Variants in ZNF529 observed in about 807,000 individuals in gnomAD.
ZNF529 encodes the protein zinc finger protein 529.
A neutral mutation model predicts 10.1 loss-of-function variants in ZNF529; 11 were observed. The ratio of observed to expected loss-of-function variants is 1.09; its 90% CI spans 0.69 to 1.81. The LOEUF (loss-of-function observed/expected upper bound fraction) is 1.81, where lower values mean the gene tolerates loss of function less well. ZNF529 is among the 40% of genes most tolerant of loss of function. The pLI, the probability that ZNF529 is intolerant of heterozygous loss-of-function variation, is 0.00. For synonymous variants in ZNF529, 204 were observed against 215.7 expected (o/e 0.95, Z 0.47); for missense variants, 624 against 666.8 (o/e 0.94, Z 0.71).
chr19:36,573,475 C>G (rs1368204364), upstream of ZNF529: 3 of 471,028 alleles, frequency 6.4e-6, no homozygotes, highest in South Asian at 3.1e-5. Flanking sequence ...GAGGCTGCCG[C>G]TGCGCGTCCC....
intron 2 of ZNF529, among the ~76,000 whole-genome samples, chr19:36,584,199 T>G (rs1449362552): frequency 2.0e-5 from 3 of 152,184 alleles, no homozygotes; most frequent in African/African-American, 7.2e-5. Context: ...GACAGGAGAA[T>G]AATACCTTCA....
At chr19:36,569,555 A>AG (rs2036020662) in intron 2 of ZNF529, among the ~76,000 whole-genome samples, 1 of 152,120 alleles carries the variant, frequency 6.6e-6, no homozygotes, top group African/African-American at 2.4e-5. Flanking sequence ...ACACGAGGCC[A>AG]GGATTTCCAG....
Position 36,547,853 on chromosome 19 carries a change from T to C in ZNF529, c.705A>G (p.Thr235=), listed in dbSNP as rs1289147936. ...CATTAAAGTCTTTATAAAAACTACA[T>C]GTATTCCCATATTCCATATATTTAC... The part of the protein sequence containing the change: ...KPCKYMEYGN[T]CSFYKDFNVY... Residue 235 remains threonine, a synonymous_variant, in exon 5 of 5, where the codon ACA becomes ACG. Coordinates refer to ENST00000591340, the MANE Select transcript of ZNF529 (RefSeq NM_020951.5). The C allele has an allele frequency of 6.2e-7, 1 of 1,610,946 alleles. No individual in the cohort carries two copies. Among genetic ancestry groups the C allele is most frequent in the East Asian group, 2.2e-5 (1 of 44,844 alleles).
chr19:36,552,371 A>G (rs2912400), intron 4 of ZNF529, among the ~76,000 whole-genome samples: 132,660 of 152,150 alleles, frequency 0.87, 58,638 homozygotes, highest in African/African-American at 0.93. Context: ...AGGTTGCAGC[A>G]AGCTGAAATT....
intron 1 of ZNF529, among the ~76,000 whole-genome samples, chr19:36,601,339 C>T (rs533747133): frequency 5.1e-4 from 77 of 152,070 alleles, no homozygotes; most frequent in African/African-American, 1.7e-3. Context: ...CTCCTGACCT[C>T]GTGATCCGCC....
upstream of ZNF529, among the ~76,000 whole-genome samples, chr19:36,574,129 A>G (rs1600324026): frequency 6.6e-6 from 1 of 152,122 alleles, no homozygotes. Flanking sequence ...GATCTTGAGA[A>G]CCTGTGCCCA....
At chr19:36,556,341 C>A in intron 2 of ZNF529, 144 bp from the exon 3 acceptor site, 2 of 609,656 alleles carry the variant, frequency 3.3e-6, no homozygotes, top group East Asian at 5.6e-5. Flanking sequence ...CTCCGTGAAC[C>A]AAACCTGAGC....
chr19:36,547,984 T>C lies in ZNF529; in HGVS notation c.574A>G (p.Ile192Val), dbSNP rs377674695. 6.8e-6 allele frequency: 11 copies of C among 1,613,266 alleles called. No individual in the cohort carries two copies. Among genetic ancestry groups the C allele is most frequent in the Non-Finnish European group, 9.3e-6 (11 of 1,179,768 alleles). ...TCATAGTTTTTTCCACCAGTATGTA[T>C]TTTCTGATATTCATCAAACTCTAAG... ...CDLEFDEYQK[I>V]HTGGKNYECN... Residue 192 changes from isoleucine to valine, a missense_variant, in exon 5 of 5, where the codon ATA becomes GTA. Physicochemically the swap from Ile to Val is conservative, Grantham distance 29. Coordinates refer to ENST00000591340, the MANE Select transcript of ZNF529 (RefSeq NM_020951.5).
At chr19:36,568,709 T>C (rs959402742) in intron 2 of ZNF529, among the ~76,000 whole-genome samples, 5 of 152,218 alleles carry the variant, frequency 3.3e-5, no homozygotes, top group Middle Eastern at 6.8e-3. Flanking sequence ...TAACCTCAAG[T>C]GATCTGCCTG....
chr19:36,603,894 T>G (rs1188492319), intron 1 of ZNF529, among the ~76,000 whole-genome samples: 1 of 152,200 alleles, frequency 6.6e-6, no homozygotes, highest in Non-Finnish European at 1.5e-5. Context: ...AAAAGGGATC[T>G]TTTGGCTAGG....
At chr19:36,549,293 C>A (rs992738440) in intron 4 of ZNF529, among the ~76,000 whole-genome samples, 1 of 152,044 alleles carries the variant, frequency 6.6e-6, no homozygotes, top group Non-Finnish European at 1.5e-5. Context: ...CCATTTACTT[C>A]CTTATTCCTT....
chr19:36,602,013 T>C (rs2036930533), intron 1 of ZNF529, among the ~76,000 whole-genome samples: 2 of 151,818 alleles, frequency 1.3e-5, no homozygotes, highest in South Asian at 4.2e-4. Context: ...CCCAAAGTGC[T>C]GGGATTACAG....
intron 1 of ZNF529, among the ~76,000 whole-genome samples, chr19:36,590,554 A>G (rs1463968390): frequency 6.6e-6 from 1 of 152,166 alleles, no homozygotes; most frequent in African/African-American, 2.4e-5. Flanking sequence ...CCCAGAAGAA[A>G]GGAAATAAGA....
rs115564377 is a variant in ZNF529, at chr19:36,584,808, G to C, written c.-41+4807C>G. The stretch of plus-strand genomic sequence containing the variant: ...AAAGAATGTACCTACAGCATTCTAA[G>C]GTCTTTTTTATTGCTCAAGAAGGAG... On this transcript the variant is annotated intron_variant, in intron 2 of 4. Coordinates refer to the ZNF529 transcript ENST00000585960. Among the ~76,000 whole-genome samples the C allele has an allele frequency of 4.0e-3, 607 of 151,704 alleles. 3 individuals carry two copies. Among genetic ancestry groups the C allele is most frequent in the African/African-American group, 0.014 (578 of 41,398 alleles).
At position 36,572,327 on chromosome 19, in the gene ZNF529, A is replaced by C; in HGVS notation, c.14+6T>G. 2.6e-6 allele frequency: 4 copies of C among 1,550,876 alleles called. No individual in the cohort carries two copies. The highest frequency in any genetic ancestry group is 1.2e-5 in the South Asian group (1 of 84,014). ...ACCAGGTAAATGAACAAAAAAAAAA[A>C]CTAACCTTGAGTTGGCCATTAGTAC... On this transcript the variant is annotated splice_donor_region_variant and intron_variant, in intron 2 of 4. Transcript: ENST00000591340.
chr19:36,592,603 AAAAAG>A (rs1485208891), intron 1 of ZNF529, among the ~76,000 whole-genome samples: 11 of 150,808 alleles, frequency 7.3e-5, no homozygotes, highest in Non-Finnish European at 7.4e-5. Flanking sequence ...CCAAAAAAAA[AAAAAG>A]AAAGAAAGAA....
chr19:36,605,031 G>C (rs1393464158), intron 1 of ZNF529: 1 of 152,544 alleles, frequency 6.6e-6, no homozygotes, highest in African/African-American at 2.4e-5. Context: ...ACAGGCCTGG[G>C]GCTTCTGCCT....
chr19:36,592,580 CA>C (rs1216677561), intron 1 of ZNF529, among the ~76,000 whole-genome samples: 1 of 134,002 alleles, frequency 7.5e-6, no homozygotes, highest in East Asian at 2.1e-4. Context: ...GGCAACAAAG[CA>C]AGACTCTGTC....
intron 2 of ZNF529, among the ~76,000 whole-genome samples, chr19:36,570,147 G>A (rs1424295420): frequency 1.3e-5 from 2 of 151,976 alleles, no homozygotes; most frequent in African/African-American, 2.4e-5. Context: ...GATCACTTAA[G>A]CCCAGGAGTT....
Sources: allele counts gnomAD v4.1 joint callset (sites outside exome capture counted in the v4.1 genomes callset), GRCh38; gene constraint gnomAD v4.1.1; transcripts MANE v1.5; gene names NCBI Gene and HGNC (gene_info 2026-07-23, HGNC 2026-07-21).